Variants in ADAMTSL1 observed in about 807,000 individuals in gnomAD.
ADAMTSL1 encodes the protein ADAMTS-like protein 1.
Under a neutral mutation model 201.8 loss-of-function variants are expected in ADAMTSL1, and 126 were observed. The observed-to-expected ratio is 0.62, with a 90% CI of 0.54 to 0.72. ADAMTSL1 has a LOEUF of 0.72. Among genes scored for constraint, ADAMTSL1 ranks in the 30% least tolerant of loss-of-function variants. ADAMTSL1 has a pLI of 0.00. For synonymous variants in ADAMTSL1, 1,121 were observed against 903.4 expected (o/e 1.24, Z -4.32); for missense variants, 2,679 against 2,277.8 (o/e 1.18, Z -3.59).
At chr9:18,592,466 T>A (rs1321495705) in intron 4 of ADAMTSL1, among the ~76,000 whole-genome samples, 1 of 152,184 alleles carries the variant, frequency 6.6e-6, no homozygotes, top group Non-Finnish European at 1.5e-5. Flanking sequence ...ATTGAGTTAT[T>A]TTGCAACTTC....
intron 2 of ADAMTSL1, among the ~76,000 whole-genome samples, chr9:18,348,016 C>A (rs1249722080): frequency 1.3e-5 from 2 of 152,142 alleles, no homozygotes; most frequent in African/African-American, 4.8e-5. Context: ...AAGCTTGAAT[C>A]CTGTTAACTT....
chr9:18,599,844 AT>A (rs979204205), intron 4 of ADAMTSL1, among the ~76,000 whole-genome samples: 14 of 151,448 alleles, frequency 9.2e-5, no homozygotes, highest in African/African-American at 3.4e-4. Context: ...TTCAAAACAG[AT>A]TTTTAATCCT....
chr9:18,804,947 T>G (rs1248076455), intron 20 of ADAMTSL1, among the ~76,000 whole-genome samples: 1 of 152,248 alleles, frequency 6.6e-6, no homozygotes, highest in Non-Finnish European at 1.5e-5. Context: ...TTTATAATAC[T>G]TCATTGCTTT....
At chr9:18,125,678 C>A (rs1194086996) in intron 1 of ADAMTSL1, among the ~76,000 whole-genome samples, 1 of 152,154 alleles carries the variant, frequency 6.6e-6, no homozygotes, top group Non-Finnish European at 1.5e-5. Flanking sequence ...GTTGAAGAAA[C>A]TATTCTTTCC....
rs2132554915 is a variant in ADAMTSL1, at chr9:18,266,380, G to C, written c.207+102399G>C. Among the ~76,000 whole-genome samples, 3 of 152,286 alleles carry C rather than the reference G, an allele frequency of 2.0e-5. 1 individual carries two copies. In the South Asian group the frequency reaches 6.2e-4, roughly 32 times the overall value. On this transcript the variant is annotated intron_variant, in intron 2 of 29. Transcript: ENST00000680146. Reference sequence around the variant, plus strand: ...AAATTCAACTGTGTTGGGTAATCCTGAGTCAGTCGGCCAAGAGAACTGAAT... The same window carrying C: ...AAATTCAACTGTGTTGGGTAATCCTCAGTCAGTCGGCCAAGAGAACTGAAT...
intron 21 of ADAMTSL1, among the ~76,000 whole-genome samples, chr9:18,821,610 A>T (rs550692691): frequency 7.6e-4 from 116 of 152,330 alleles, no homozygotes; most frequent in Non-Finnish European, 1.4e-3. Context: ...TGTCTGCCAC[A>T]GTCAGTATGG....
At chr9:18,293,285 A>G (rs774138485) in intron 2 of ADAMTSL1, among the ~76,000 whole-genome samples, 1 of 152,208 alleles carries the variant, frequency 6.6e-6, no homozygotes, top group African/African-American at 2.4e-5. Flanking sequence ...TTGTCCCGTA[A>G]TGGGATTGCT....
chr9:18,110,585 C>G (rs1249738886), intron 1 of ADAMTSL1, among the ~76,000 whole-genome samples: 1 of 152,136 alleles, frequency 6.6e-6, no homozygotes, highest in African/African-American at 2.4e-5. Flanking sequence ...TAGTGATTCA[C>G]TGTCTCTTTT....
At chr9:18,732,000 CCTCT>C (rs1818243328) in intron 15 of ADAMTSL1, among the ~76,000 whole-genome samples, 1 of 152,142 alleles carries the variant, frequency 6.6e-6, no homozygotes, top group Admixed American at 6.5e-5. Flanking sequence ...GGCCACGTTA[CCTCT>C]CTAAGACTCA....
chr9:18,855,921 A>G (rs996193412), intron 23 of ADAMTSL1, among the ~76,000 whole-genome samples: 1 of 152,222 alleles, frequency 6.6e-6, no homozygotes, highest in South Asian at 2.1e-4. Flanking sequence ...CTGAGCCCAG[A>G]AAAAGAATTT....
At chr9:18,046,436 T>A (rs1821662189) in intron 1 of ADAMTSL1, among the ~76,000 whole-genome samples, 1 of 152,176 alleles carries the variant, frequency 6.6e-6, no homozygotes, top group African/African-American at 2.4e-5. Flanking sequence ...AGCCCTTTCC[T>A]GTTAAGGACA....
chr9:18,751,667 T>C (rs1250080258), intron 15 of ADAMTSL1, among the ~76,000 whole-genome samples: 1 of 152,214 alleles, frequency 6.6e-6, no homozygotes, highest in African/African-American at 2.4e-5. Flanking sequence ...GTATACACTC[T>C]AGCAGTGCCC....
At chr9:18,119,743 G>A (rs375225430) in intron 1 of ADAMTSL1, among the ~76,000 whole-genome samples, 7 of 152,130 alleles carry the variant, frequency 4.6e-5, no homozygotes, top group South Asian at 2.1e-4. Flanking sequence ...GTTGCCAGGC[G>A]TGGAGGTCAG....
At chr9:18,040,386 C>G (rs1389743141) in intron 1 of ADAMTSL1, among the ~76,000 whole-genome samples, 2 of 152,126 alleles carry the variant, frequency 1.3e-5, no homozygotes, top group African/African-American at 4.8e-5. Context: ...GGAGAAAGCT[C>G]TTGATGCTTC....
chr9:18,743,888 G>T (rs374356345), intron 15 of ADAMTSL1, among the ~76,000 whole-genome samples: 22 of 152,094 alleles, frequency 1.4e-4, no homozygotes, highest in Non-Finnish European at 2.6e-4. Context: ...ATCTGTGATC[G>T]CTGGGTATAA....
chr9:18,639,221 C>G (rs1252093007), intron 6 of ADAMTSL1, 33 bp from the exon 7 acceptor site: 3 of 1,609,620 alleles, frequency 1.9e-6, no homozygotes, highest in Non-Finnish European at 2.5e-6. Flanking sequence ...CTAGGAACAT[C>G]TTTCTCTCAT....
chr9:18,838,884 A>T (rs938805610), intron 23 of ADAMTSL1, among the ~76,000 whole-genome samples: 43 of 149,364 alleles, frequency 2.9e-4, no homozygotes, highest in African/African-American at 3.4e-4. Context: ...CTTTTTTTTA[A>T]AAAAAAAAAA....
chr9:18,770,992 C>T lies in ADAMTSL1; in HGVS notation c.2397+211C>T, dbSNP rs186453882. Among the ~76,000 whole-genome samples, 9 of 152,318 alleles carry T rather than the reference C, an allele frequency of 5.9e-5. No individual in the cohort carries two copies. The East Asian group carries it at 1.5e-3, about 26-fold the overall frequency. Reference sequence around the variant, plus strand: ...ACGCAGCCAGCCCTTACCCAACAATCGGAAGCTTGGAATTGTAAATGGGCT... The same window carrying T: ...ACGCAGCCAGCCCTTACCCAACAATTGGAAGCTTGGAATTGTAAATGGGCT... On this transcript the variant is annotated intron_variant, in intron 17 of 28. Coordinates refer to ENST00000380548, the MANE Select transcript of ADAMTSL1 (RefSeq NM_001040272.6).
intron 4 of ADAMTSL1, among the ~76,000 whole-genome samples, chr9:18,580,087 G>A (rs540014379): frequency 3.3e-5 from 5 of 152,262 alleles, no homozygotes; most frequent in Admixed American, 3.3e-4. Flanking sequence ...CTTTTATCAT[G>A]AATCTGCATA....
Sources: gnomAD v4.1 joint callset for allele counts (sites outside exome capture counted in the v4.1 genomes callset) on GRCh38, gnomAD v4.1.1 for gene constraint, MANE v1.5 for transcripts, NCBI Gene and HGNC (gene_info 2026-07-23, HGNC 2026-07-21) for gene names.